TG: variants seen among roughly 807,000 people sequenced by gnomAD.
TG encodes the protein thyroid hormones.
Under a neutral mutation model 324.7 loss-of-function variants are expected in TG, and 270 were observed. That is an observed-to-expected ratio of 0.83 (90% CI 0.75 to 0.92). The LOEUF (loss-of-function observed/expected upper bound fraction) is 0.92. Among genes scored for constraint, TG ranks in the 40% least tolerant of loss-of-function variants. TG has a pLI of 0.00. For missense variants in TG, 3,591 were observed against 3,456.4 expected (o/e 1.04, Z -0.98); for synonymous variants, 1,401 against 1,327.0 (o/e 1.06, Z -1.21).
intron 18 of TG, among the ~76,000 whole-genome samples, chr8:132,911,090 T>G (rs1190368420): frequency 1.3e-5 from 2 of 152,214 alleles, no homozygotes; most frequent in African/African-American, 2.4e-5. Flanking sequence ...TTGGCTAAAG[T>G]TGTTTCACCA....
At chr8:133,052,658 T>C (rs2741195) in intron 41 of TG, among the ~76,000 whole-genome samples, 5,517 of 152,276 alleles carry the variant, frequency 0.036, 313 homozygotes, top group African/African-American at 0.12. Flanking sequence ...AAGTCCCAAG[T>C]TCTCACAAAG....
intron 41 of TG, among the ~76,000 whole-genome samples, chr8:133,066,624 C>T (rs550515925): frequency 1.2e-4 from 18 of 152,160 alleles, no homozygotes; most frequent in East Asian, 3.8e-4. Flanking sequence ...AGAATGAGGG[C>T]GCCTTAAAGA....
In TG at chr8:132,972,701, T is replaced by C; in HGVS notation, c.6159T>C (p.Ile2053=). The change falls in exon 34 of 48, where the codon ATT becomes ATC. Residue 2053 remains isoleucine (I), a synonymous_variant. Transcript: ENST00000220616. ...TTTTGGACTGTGGCTCTCCTGACAT[T>C]GAAGTCCACACCTATCCCTTCGGAT... is the stretch of plus-strand genomic sequence containing the variant. The part of the protein sequence containing the change: ...WRILDCGSPD[I]EVHTYPFGWY... 6.2e-7 allele frequency: 1 copy of C among 1,614,000 alleles called. No homozygotes were observed. Among genetic ancestry groups the C allele is most frequent in the Non-Finnish European group, 8.5e-7 (1 of 1,179,984 alleles).
intron 43 of TG, among the ~76,000 whole-genome samples, chr8:133,101,463 G>A (rs1849237494): frequency 6.6e-6 from 1 of 152,150 alleles, no homozygotes; most frequent in Non-Finnish European, 1.5e-5. Context: ...CCTGAAGATG[G>A]CAGGTTCTGG....
intron 25 of TG, among the ~76,000 whole-genome samples, chr8:132,940,375 C>G (rs543088917): frequency 6.6e-6 from 1 of 152,242 alleles, no homozygotes; most frequent in Non-Finnish European, 1.5e-5. Flanking sequence ...ATATCTATCC[C>G]TGAAAAATCT....
intron 45 of TG, among the ~76,000 whole-genome samples, chr8:133,119,049 C>T (rs181388341): frequency 1.3e-3 from 194 of 152,264 alleles, no homozygotes; most frequent in Middle Eastern, 3.4e-3. Context: ...TGGGAGAGCA[C>T]GGGGAGGGAG....
rs1010233739 is a variant in TG at position 133,133,698 on chromosome 8, T to C, written c.8188+38T>C. 8.1e-6 allele frequency: 13 copies of C among 1,599,086 alleles called. No homozygotes were observed. The African/African-American group carries it at 1.3e-4, about 16-fold the overall frequency. On this transcript the variant is annotated intron_variant, in intron 47 of 47. Transcript: ENST00000220616. ...TGGGACAAGTGGAGGGAGCTGGGTG[T>C]TGATCTCAGCATCTGCTGTGCTCGC...
chr8:133,116,523 C>G, intron 44 of TG, 86 bp from the exon 45 acceptor site: 3 of 1,290,728 alleles, frequency 2.3e-6, no homozygotes, highest in East Asian at 2.3e-5. Context: ...GCCCAGGGGG[C>G]CCCTTGCTGG....
chr8:133,105,181 C>T (rs960616716), intron 43 of TG, among the ~76,000 whole-genome samples: 3 of 152,158 alleles, frequency 2.0e-5, no homozygotes, highest in African/African-American at 4.8e-5. Flanking sequence ...TGTGATGTTA[C>T]AACCATTTTT....
intron 35 of TG, among the ~76,000 whole-genome samples, chr8:132,986,287 T>A (rs934704457): frequency 5.3e-5 from 8 of 151,856 alleles, no homozygotes; most frequent in Non-Finnish European, 1.2e-4. Flanking sequence ...TGGTTGTTTT[T>A]ACCTAATATT....
intron 41 of TG, chr8:133,047,195 A>G (rs1839580368): frequency 6.6e-6 from 1 of 152,258 alleles, no homozygotes; most frequent in African/African-American, 2.4e-5. Flanking sequence ...CATGACAAAG[A>G]GCTCACTCTA....
At chr8:132,947,743 T>G (rs975901682) in intron 26 of TG, among the ~76,000 whole-genome samples, 2 of 152,154 alleles carry the variant, frequency 1.3e-5, no homozygotes, top group Admixed American at 1.3e-4. Context: ...TCAAGCAGCT[T>G]AATTAACTTA....
intron 35 of TG, among the ~76,000 whole-genome samples, chr8:133,005,769 G>A (rs543866490): frequency 1.3e-5 from 2 of 152,276 alleles, no homozygotes; most frequent in South Asian, 2.1e-4. Context: ...ATATAAGGGG[G>A]CCCTGATGTT....
At chr8:133,036,984 C>T (rs1159389739) in intron 41 of TG, 1 of 152,212 alleles carries the variant, frequency 6.6e-6, no homozygotes, top group Non-Finnish European at 1.5e-5. Context: ...TTTGAAATAG[C>T]CTTTTGGAAC....
intron 18 of TG, among the ~76,000 whole-genome samples, chr8:132,910,744 C>T (rs545533083): frequency 2.0e-5 from 3 of 152,308 alleles, no homozygotes; most frequent in African/African-American, 4.8e-5. Context: ...GTTTATAAGA[C>T]ACACAGTCTG....
At position 132,972,870 on chromosome 8, in the gene TG, A is replaced by G. The variant is rs1403486; in HGVS notation, c.6199+129A>G. ...CTCATTGGGTTCAAGCAACAGAAAT[A>G]GATTCTGTTTAACTTAAGCAGACAA... is the stretch of plus-strand genomic sequence containing the variant. On this transcript the variant is annotated intron_variant, in intron 34 of 47. Coordinates refer to ENST00000220616, the MANE Select transcript of TG (RefSeq NM_003235.5). The G allele has an allele frequency of 0.58, 722,861 of 1,241,574 alleles. 217,697 individuals carry two copies. The highest frequency in any genetic ancestry group is 0.68 in the African/African-American group (45,644 of 67,514). 76.9% of individuals were successfully genotyped at this position (1,241,574 alleles called of 1,614,324 possible). A position where few individuals can be genotyped will look rare whatever the true frequency, so the allele number is the denominator to read the frequency against.
At chr8:133,090,267 C>T (rs962263890) in intron 41 of TG, among the ~76,000 whole-genome samples, 3 of 152,230 alleles carry the variant, frequency 2.0e-5, no homozygotes, top group Non-Finnish European at 4.4e-5. Flanking sequence ...AGAAGTCACA[C>T]ATCTGGTTTC....
At chr8:132,905,137 T>C (rs1818491132) in intron 16 of TG, among the ~76,000 whole-genome samples, 1 of 152,178 alleles carries the variant, frequency 6.6e-6, no homozygotes, top group Admixed American at 6.5e-5. Flanking sequence ...TTTAAATAAA[T>C]ACTCCTACTA....
At chr8:132,982,239 A>T (rs1204798317) in intron 34 of TG, among the ~76,000 whole-genome samples, 1 of 152,180 alleles carries the variant, frequency 6.6e-6, no homozygotes, top group African/African-American at 2.4e-5. Flanking sequence ...ACACAGCAGA[A>T]AAGTGGCAAA....
Sources: allele counts gnomAD v4.1 joint callset (sites outside exome capture counted in the v4.1 genomes callset), GRCh38; gene constraint gnomAD v4.1.1; transcripts MANE v1.5; gene names NCBI Gene and HGNC (gene_info 2026-07-23, HGNC 2026-07-21).